The following SORCS2 variants were observed in gnomAD, a reference collection of about 807,000 sequenced individuals.
The protein encoded by SORCS2 is VPS10 domain-containing receptor SorCS2.
In SORCS2, 100 loss-of-function variants were observed where a neutral mutation model predicts 141.6. The ratio of observed to expected loss-of-function variants is 0.71; its 90% CI spans 0.60 to 0.83. SORCS2 has a LOEUF of 0.83. Among genes scored for constraint, SORCS2 ranks in the 40% least tolerant of loss-of-function variants. The pLI, the probability that SORCS2 is intolerant of heterozygous loss-of-function variation, is 0.00. For synonymous variants in SORCS2, 789 were observed against 676.9 expected (o/e 1.17, Z -2.57); for missense variants, 1,646 against 1,560.2 (o/e 1.05, Z -0.93).
rs79608432 is a variant in SORCS2, at chr4:7,725,680, G to A, written c.2745+393G>A. On this transcript the variant is annotated intron_variant, in intron 20 of 26. Coordinates refer to ENST00000507866, the MANE Select transcript of SORCS2 (RefSeq NM_020777.3). ...AAGAAGAGGTCAAGGGGGCTCAGAA[G>A]CCTCCCTCAGAGGCCTGGGTTGTAC... Among the ~76,000 whole-genome samples the A allele has an allele frequency of 7.9e-4, 121 of 152,328 alleles. No individual in the cohort carries two copies. In the East Asian group the frequency reaches 0.013, roughly 16 times the overall value.
chr4:7,210,386 C>G (rs1347037857), intron 1 of SORCS2, among the ~76,000 whole-genome samples: 1 of 152,242 alleles, frequency 6.6e-6, no homozygotes, highest in Non-Finnish European at 1.5e-5. Context: ...GGCTCACGCC[C>G]TCCTCCTGCC....
At chr4:7,541,711 C>T (rs1712676340) in intron 3 of SORCS2, among the ~76,000 whole-genome samples, 1 of 152,246 alleles carries the variant, frequency 6.6e-6, no homozygotes, top group Non-Finnish European at 1.5e-5. Context: ...AGACCAGAGG[C>T]ACAGCCAGGC....
At chr4:7,740,094 G>C in intron 26 of SORCS2, 106 bp from the exon 27 acceptor site, 1 of 907,064 alleles carries the variant, frequency 1.1e-6, no homozygotes, top group Non-Finnish European at 1.7e-6. Flanking sequence ...GAGGCCCACT[G>C]CACGTTGGCT....
At chr4:7,205,051 T>A (rs951727528) in intron 1 of SORCS2, among the ~76,000 whole-genome samples, 11 of 152,266 alleles carry the variant, frequency 7.2e-5, no homozygotes, top group Non-Finnish European at 1.3e-4. Flanking sequence ...AAAAACCCTA[T>A]GTTTTTCTCA....
chr4:7,599,899 C>T (rs1423613924), intron 3 of SORCS2, among the ~76,000 whole-genome samples: 1 of 151,482 alleles, frequency 6.6e-6, no homozygotes, highest in Non-Finnish European at 1.5e-5. Flanking sequence ...TATCAGCTCA[C>T]TACAGCCTCC....
chr4:7,241,793 G>A (rs566429147), intron 1 of SORCS2, among the ~76,000 whole-genome samples: 1 of 152,346 alleles, frequency 6.6e-6, no homozygotes, highest in East Asian at 1.9e-4. Context: ...GTGCTGCAGA[G>A]CGACTGAGTG....
At chr4:7,366,052 G>A (rs955902203) in intron 1 of SORCS2, among the ~76,000 whole-genome samples, 6 of 152,262 alleles carry the variant, frequency 3.9e-5, no homozygotes, top group South Asian at 4.1e-4. Context: ...ATCCGTCAGC[G>A]CAGGCACCTC....
intron 8 of SORCS2, among the ~76,000 whole-genome samples, chr4:7,672,834 C>T (rs1722874401): frequency 6.6e-6 from 1 of 152,188 alleles, no homozygotes; most frequent in Non-Finnish European, 1.5e-5. Context: ...AAAATCTAGC[C>T]AGTGAGATGC....
chr4:7,573,162 C>A (rs1483622313), intron 3 of SORCS2, among the ~76,000 whole-genome samples: 2 of 152,192 alleles, frequency 1.3e-5, no homozygotes, highest in African/African-American at 4.8e-5. Context: ...AATGCGCAAT[C>A]CACCTTTGAG....
rs539280009 is a variant in SORCS2, at chr4:7,242,351, C to T, written c.480+49225C>T. Among the ~76,000 whole-genome samples the T allele has an allele frequency of 8.5e-5, 13 of 152,142 alleles. No homozygotes were observed. In the East Asian group the frequency reaches 1.5e-3, roughly 18 times the overall value. ...CTGCAACTACAGGCATGCACCACCA[C>T]GCCTGGATGATTTTTTTTTTAAATT... On this transcript the variant is annotated intron_variant, in intron 1 of 26. Coordinates refer to ENST00000507866, the MANE Select transcript of SORCS2 (RefSeq NM_020777.3).
rs140955137 is a variant in SORCS2 at position 7,615,176 on chromosome 4, T to C, written c.649-23152T>C. 3.9e-3 allele frequency among the ~76,000 whole-genome samples: 597 copies of C among 152,358 alleles called. 4 individuals carry two copies. The highest frequency in any genetic ancestry group is 0.014 in the African/African-American group (582 of 41,592). ...ATTCATTCATTCATTCATTCATCCA[T>C]CTGCCTTCCTTCACTCCATATTGAT... On this transcript the variant is annotated intron_variant, in intron 3 of 26. Transcript: ENST00000507866.
chr4:7,584,640 C>T (rs959662747), intron 3 of SORCS2, among the ~76,000 whole-genome samples: 2 of 152,204 alleles, frequency 1.3e-5, no homozygotes, highest in Non-Finnish European at 2.9e-5. Context: ...TAGATAAACA[C>T]ATGCAGAGGA....
Position 7,664,728 on chromosome 4 carries a change from C to T in SORCS2, c.1071+257C>T, listed in dbSNP as rs1418081270. Among the ~76,000 whole-genome samples, 2 of 152,134 alleles carry T rather than the reference C, an allele frequency of 1.3e-5. No individual in the cohort carries two copies. The highest frequency in any genetic ancestry group is 1.9e-4 in the East Asian group (1 of 5,178). Reference sequence around the variant, plus strand: ...GGCCACCACGAACCTCCCAGCCACTCGGGGTCCCCAAACCTAAGCCCATTT... The same window carrying T: ...GGCCACCACGAACCTCCCAGCCACTTGGGGTCCCCAAACCTAAGCCCATTT... On this transcript the variant is annotated intron_variant, in intron 7 of 26. Transcript: ENST00000507866. This position sits in a 1 kb window ranked among gnomAD's most constrained non-coding sequence, Gnocchi z 4.7.
chr4:7,445,879 C>T (rs1000530140), intron 2 of SORCS2, among the ~76,000 whole-genome samples: 21 of 152,154 alleles, frequency 1.4e-4, no homozygotes, highest in African/African-American at 4.8e-4. Flanking sequence ...AGGCAGCATC[C>T]CCACTGGCCC....
intron 11 of SORCS2, among the ~76,000 whole-genome samples, chr4:7,693,216 C>T (rs1724371333): frequency 1.9e-5 from 2 of 104,558 alleles, no homozygotes; most frequent in Non-Finnish European, 4.1e-5. Context: ...TCCTCATCTT[C>T]ATCCTTTCTT....
intron 14 of SORCS2, among the ~76,000 whole-genome samples, chr4:7,706,534 G>A: frequency 7.0e-6 from 1 of 142,982 alleles, no homozygotes; most frequent in East Asian, 2.2e-4. Flanking sequence ...GCTCTGTCTG[G>A]GCAGGGATGA....
chr4:7,658,788 T>C (rs1721964658), intron 5 of SORCS2, among the ~76,000 whole-genome samples: 3 of 151,878 alleles, frequency 2.0e-5, no homozygotes, highest in Admixed American at 1.3e-4. Flanking sequence ...GCCAGGCAGG[T>C]TGGGAGGAAG....
intron 12 of SORCS2, 27 bp downstream of exon 12, chr4:7,697,301 C>A (rs572628461): frequency 3.9e-6 from 6 of 1,549,130 alleles, no homozygotes; most frequent in Non-Finnish European, 4.4e-6. Flanking sequence ...GTGCCTGGTA[C>A]CCCCCACCCC....
chr4:7,269,796 A>G (rs538209755), intron 1 of SORCS2, among the ~76,000 whole-genome samples: 10 of 152,364 alleles, frequency 6.6e-5, no homozygotes, highest in African/African-American at 2.2e-4. Context: ...AACTGTGATG[A>G]AAATAAATTT....
Sources: allele counts gnomAD v4.1 joint callset (sites outside exome capture counted in the v4.1 genomes callset), GRCh38; gene constraint gnomAD v4.1.1; non-coding constraint Gnocchi (gnomAD v3.1); transcripts MANE v1.5; gene names NCBI Gene and HGNC (gene_info 2026-07-23, HGNC 2026-07-21).